AP1S3: variants seen among roughly 807,000 people sequenced by gnomAD.
AP1S3 encodes adaptor related protein complex 1 subunit sigma 3, also known as AP-1 complex subunit sigma-3.
In AP1S3, 10 loss-of-function variants were observed where a neutral mutation model predicts 20.9. The observed-to-expected ratio is 0.48, with a 90% CI of 0.29 to 0.81. The LOEUF (loss-of-function observed/expected upper bound fraction) is 0.81. Among genes scored for constraint, AP1S3 ranks in the 30% least tolerant of loss-of-function variants. AP1S3 has a pLI of 0.08. For synonymous variants in AP1S3, 41 were observed against 61.5 expected (o/e 0.67, Z 1.56); for missense variants, 154 against 183.8 (o/e 0.84, Z 0.94).
intron 3 of AP1S3, among the ~76,000 whole-genome samples, chr2:223,775,219 G>A (rs888892476): frequency 6.6e-6 from 1 of 152,184 alleles, no homozygotes; most frequent in Non-Finnish European, 1.5e-5. Context: ...AAGCACTGCC[G>A]AGTGAATGAG....
At chr2:223,809,291 C>T (rs1463556673) in intron 1 of AP1S3, among the ~76,000 whole-genome samples, 1 of 152,130 alleles carries the variant, frequency 6.6e-6, no homozygotes, top group Non-Finnish European at 1.5e-5. Context: ...GCCTTCTGCT[C>T]AGAACACTTC....
chr2:223,764,780 T>C (rs1444628563), intron 4 of AP1S3, among the ~76,000 whole-genome samples: 4 of 152,234 alleles, frequency 2.6e-5, no homozygotes, highest in African/African-American at 4.8e-5. Flanking sequence ...AAAGTCTTTT[T>C]ATACATCTCA....
chr2:223,791,863 TCA>T (rs1691222454), intron 1 of AP1S3, among the ~76,000 whole-genome samples: 22 of 152,108 alleles, frequency 1.4e-4, no homozygotes, highest in Admixed American at 1.4e-3. Context: ...TGTGCAAAAA[TCA>T]CTAGCCTGTT....
At position 223,812,595 on chromosome 2, in the gene AP1S3, T is replaced by C. The variant is rs142734487; in HGVS notation, c.3+24853A>G. Among the ~76,000 whole-genome samples, 1,396 of 152,330 alleles carry C rather than the reference T, an allele frequency of 9.2e-3. 38 individuals are homozygous for C. The highest frequency in any genetic ancestry group is 0.032 in the African/African-American group (1,318 of 41,580). On this transcript the variant is annotated intron_variant, in intron 1 of 4. Coordinates refer to ENST00000396654, the MANE Select transcript of AP1S3 (RefSeq NM_001039569.2). ...TTCCAACTCCTTGCTCTTAGAGAAG[T>C]GGCTTTTTTGTTTTGGGGATTTTTT...
intron 3 of AP1S3, among the ~76,000 whole-genome samples, chr2:223,772,910 A>G (rs977181141): frequency 6.6e-6 from 1 of 152,242 alleles, no homozygotes; most frequent in African/African-American, 2.4e-5. Context: ...TTAATTAACA[A>G]GAACCGAACT....
At chr2:223,806,241 A>G (rs1371352683) in intron 1 of AP1S3, among the ~76,000 whole-genome samples, 1 of 151,784 alleles carries the variant, frequency 6.6e-6, no homozygotes, top group Non-Finnish European at 1.5e-5. Flanking sequence ...ATGTGAAAGG[A>G]ATGGTCACAT....
chr2:223,778,181 A>G lies in AP1S3; in HGVS notation c.4-312T>C, dbSNP rs536043497. On this transcript the variant is annotated intron_variant, in intron 1 of 4. Transcript: ENST00000396654. Reference sequence around the variant, plus strand: ...CGCTCTGCTGCCCAGGCTGGAGTGCAGTGGCGCGGTCTCAGCTCACTGGGA... The same window carrying G: ...CGCTCTGCTGCCCAGGCTGGAGTGCGGTGGCGCGGTCTCAGCTCACTGGGA... Among the ~76,000 whole-genome samples the G allele has an allele frequency of 3.5e-4, 44 of 126,084 alleles. 1 individual carries two copies. Among genetic ancestry groups the G allele is most frequent in the Admixed American group, 2.8e-3 (33 of 11,740 alleles). 82.7% of individuals were successfully genotyped at this position (126,084 alleles called of 152,430 possible).
chr2:223,777,566 T>C, intron 2 of AP1S3, 125 bp downstream of exon 2: 1 of 832,092 alleles, frequency 1.2e-6, no homozygotes. Flanking sequence ...TTGGTACAAA[T>C]ATCTGGGCCC....
At chr2:223,766,868 G>A (rs1176954293) in intron 3 of AP1S3, among the ~76,000 whole-genome samples, 4 of 152,172 alleles carry the variant, frequency 2.6e-5, no homozygotes, top group African/African-American at 9.7e-5. Context: ...GGAATACTAT[G>A]CAGCCATAAA....
chr2:223,777,546 A>T, intron 2 of AP1S3, 145 bp downstream of exon 2: 2 of 676,542 alleles, frequency 3.0e-6, no homozygotes, highest in Non-Finnish European at 4.8e-6. Context: ...GTTCTTTTCT[A>T]GTTAGTCTAT....
intron 1 of AP1S3, among the ~76,000 whole-genome samples, chr2:223,810,652 T>C (rs1286975125): frequency 6.6e-6 from 1 of 152,106 alleles, no homozygotes; most frequent in Non-Finnish European, 1.5e-5. Flanking sequence ...AGTTTGCACC[T>C]GGCCCAGGGA....
chr2:223,759,319 T>C (rs752712080), intron 4 of AP1S3, among the ~76,000 whole-genome samples: 2 of 151,038 alleles, frequency 1.3e-5, no homozygotes, highest in Non-Finnish European at 2.9e-5. Flanking sequence ...GAGATTGAAA[T>C]GCTAAAGCAA....
intron 1 of AP1S3, among the ~76,000 whole-genome samples, chr2:223,790,707 A>T (rs1223631558): frequency 6.6e-6 from 1 of 152,214 alleles, no homozygotes; most frequent in Non-Finnish European, 1.5e-5. Flanking sequence ...TTATAAAGTG[A>T]TTACCACAAT....
chr2:223,768,945 C>T (rs371757315), intron 3 of AP1S3, among the ~76,000 whole-genome samples: 17 of 152,142 alleles, frequency 1.1e-4, no homozygotes, highest in African/African-American at 3.9e-4. Flanking sequence ...GTACTGAATG[C>T]TATAACTTTG....
At chr2:223,787,723 C>G (rs1691109422) in intron 1 of AP1S3, among the ~76,000 whole-genome samples, 1 of 152,046 alleles carries the variant, frequency 6.6e-6, no homozygotes, top group African/African-American at 2.4e-5. Flanking sequence ...GAGACTACAG[C>G]TAAGTGAAAA....
intron 1 of AP1S3, among the ~76,000 whole-genome samples, chr2:223,825,783 G>A (rs1376824377): frequency 6.6e-6 from 1 of 152,114 alleles, no homozygotes; most frequent in Non-Finnish European, 1.5e-5. Flanking sequence ...TTGGGAGGCC[G>A]AGGTGGGTGG....
Position 223,837,552 on chromosome 2 carries a change from C to A in AP1S3, c.-102G>T, listed in dbSNP as rs561785997. On this transcript the variant is annotated 5_prime_UTR_variant, in exon 1 of 5. Coordinates refer to ENST00000396654, the MANE Select transcript of AP1S3 (RefSeq NM_001039569.2). ...GCCGGTGCGGCTGACAGGTGAGGCG[C>A]CCGGCTTAGACCATGGCTGCTTCCC... is the stretch of plus-strand genomic sequence containing the variant. 7.7e-5 allele frequency: 56 copies of A among 727,792 alleles called. No individual in the cohort carries two copies. In the South Asian group the frequency reaches 2.1e-3, roughly 27 times the overall value. 45.1% of individuals were successfully genotyped at this position (727,792 alleles called of 1,614,324 possible).
chr2:223,820,678 A>AAC, intron 1 of AP1S3, among the ~76,000 whole-genome samples: 1 of 151,836 alleles, frequency 6.6e-6, no homozygotes, highest in African/African-American at 2.4e-5. Flanking sequence ...GAAAAAAAAA[A>AAC]AAAAAACAAG....
chr2:223,763,888 G>GA (rs1288516004), intron 4 of AP1S3, among the ~76,000 whole-genome samples: 1 of 151,974 alleles, frequency 6.6e-6, no homozygotes, highest in Non-Finnish European at 1.5e-5. Flanking sequence ...CAAATAGCAG[G>GA]AAAAAAGTAG....
Sources: allele counts gnomAD v4.1 joint callset (sites outside exome capture counted in the v4.1 genomes callset), GRCh38; gene constraint gnomAD v4.1.1; transcripts MANE v1.5; gene names NCBI Gene and HGNC (gene_info 2026-07-23, HGNC 2026-07-21).